PAIP2B: variants seen among roughly 807,000 people sequenced by gnomAD.
PAIP2B encodes poly(A) binding protein interacting protein 2B, also known as polyadenylate-binding protein-interacting protein 2B.
PAIP2B carries 13 observed loss-of-function variants against 17.0 expected under a neutral mutation model. That is an observed-to-expected ratio of 0.76 (90% confidence interval 0.50 to 1.22). PAIP2B has a LOEUF of 1.22. Among genes scored for constraint, PAIP2B ranks in the 50% most tolerant of loss-of-function variants. PAIP2B has a pLI of 0.00. For synonymous variants in PAIP2B, 43 were observed against 48.7 expected (o/e 0.88, Z 0.48); for missense variants, 117 against 144.5 (o/e 0.81, Z 0.98).
Position 71,214,370 on chromosome 2 carries a change from G to T in PAIP2B, c.-11-11770C>A, listed in dbSNP as rs543723292. 2.6e-5 allele frequency among the ~76,000 whole-genome samples: 4 copies of T among 152,250 alleles called. No homozygotes were observed. The East Asian group carries it at 7.7e-4, about 29-fold the overall frequency. ...TGAAGAAAAATGCTATTCAACAAAA[G>T]TACTGAGGTCTTTGGAAGGAAAACA... On this transcript the variant is annotated intron_variant, in intron 1 of 3. Transcript: ENST00000244221.
At chr2:71,196,465 T>C (rs1440999004) in intron 2 of PAIP2B, among the ~76,000 whole-genome samples, 1 of 152,198 alleles carries the variant, frequency 6.6e-6, no homozygotes. Flanking sequence ...CATGTGGCAA[T>C]GAGATTAATG....
intron 1 of PAIP2B, among the ~76,000 whole-genome samples, chr2:71,209,442 T>C (rs958221323): frequency 3.9e-5 from 6 of 152,200 alleles, no homozygotes; most frequent in African/African-American, 1.2e-4. Flanking sequence ...GAATAGCTAA[T>C]ACATTCCCAC....
intron 2 of PAIP2B, among the ~76,000 whole-genome samples, chr2:71,197,886 C>T (rs1053982649): frequency 1.3e-4 from 20 of 152,188 alleles, no homozygotes; most frequent in Non-Finnish European, 2.9e-4. Flanking sequence ...CAGTCATCTC[C>T]CACCAGGTCC....
At chr2:71,193,842 A>G (rs968622859) in intron 2 of PAIP2B, among the ~76,000 whole-genome samples, 1 of 152,180 alleles carries the variant, frequency 6.6e-6, no homozygotes, top group African/African-American at 2.4e-5. Flanking sequence ...GTCCCAAAAA[A>G]AAAAAAAGTT....
intron 2 of PAIP2B, among the ~76,000 whole-genome samples, chr2:71,192,162 T>C (rs1318476172): frequency 6.6e-6 from 1 of 152,174 alleles, no homozygotes; most frequent in African/African-American, 2.4e-5. Context: ...AGAAACTAGA[T>C]TTTTAGGAAC....
intron 2 of PAIP2B, among the ~76,000 whole-genome samples, chr2:71,196,090 C>A (rs1674810165): frequency 6.6e-6 from 1 of 152,082 alleles, no homozygotes; most frequent in Admixed American, 6.6e-5. Context: ...TTGTCTAATT[C>A]TTTCAGTTGT....
rs932344117 is a variant in PAIP2B at position 71,185,530 on chromosome 2, T to G, written c.*2949A>C. On this transcript the variant is annotated 3_prime_UTR_variant, in exon 4 of 4. Transcript: ENST00000244221. ...CTGCAGTGAGCTATGGTCATACCAC[T>G]GCACTCCAGCCTGGGTGACAGAGTG... 1 of 147,120 alleles carries G rather than the reference T, an allele frequency of 6.8e-6. No individual in the cohort carries two copies. 9.1% of individuals were successfully genotyped at this position (147,120 alleles called of 1,614,324 possible). A position where few individuals can be genotyped will look rare whatever the true frequency, so the allele number is the denominator to read the frequency against.
At chr2:71,218,994 C>T (rs1446680526) in intron 1 of PAIP2B, among the ~76,000 whole-genome samples, 1 of 150,056 alleles carries the variant, frequency 6.7e-6, no homozygotes, top group Admixed American at 6.6e-5. Context: ...TGGCTCACTG[C>T]AAGCTCCGCC....
At chr2:71,199,867 G>C (rs1429230962) in intron 2 of PAIP2B, among the ~76,000 whole-genome samples, 2 of 152,176 alleles carry the variant, frequency 1.3e-5, no homozygotes, top group Non-Finnish European at 2.9e-5. Flanking sequence ...TTCTTAAAAA[G>C]TTTTGTATGT....
chr2:71,216,569 A>G (rs776130380), intron 1 of PAIP2B, among the ~76,000 whole-genome samples: 1 of 152,212 alleles, frequency 6.6e-6, no homozygotes, highest in Non-Finnish European at 1.5e-5. Context: ...AATTTTTAGT[A>G]TACAAGAATG....
intron 1 of PAIP2B, among the ~76,000 whole-genome samples, chr2:71,224,253 C>G (rs1179091043): frequency 6.6e-6 from 1 of 152,118 alleles, no homozygotes; most frequent in East Asian, 1.9e-4. Context: ...TCTGTACTTC[C>G]TTTATTTTTT....
chr2:71,209,096 C>A (rs1301584240), intron 1 of PAIP2B, among the ~76,000 whole-genome samples: 1 of 152,170 alleles, frequency 6.6e-6, no homozygotes, highest in African/African-American at 2.4e-5. Flanking sequence ...GAAGTGTCCA[C>A]AGAATTCAGG....
chr2:71,191,836 T>C (rs1166812382), intron 2 of PAIP2B, among the ~76,000 whole-genome samples: 1 of 152,220 alleles, frequency 6.6e-6, no homozygotes, highest in African/African-American at 2.4e-5. Flanking sequence ...ACCAGATCAC[T>C]TGTCTATCCA....
chr2:71,192,317 G>A (rs976966191), intron 2 of PAIP2B, among the ~76,000 whole-genome samples: 5 of 148,920 alleles, frequency 3.4e-5, no homozygotes, highest in Non-Finnish European at 7.4e-5. Flanking sequence ...CATCAAGCAA[G>A]CCTATTGGCG....
chr2:71,189,931 G>T lies in PAIP2B; in HGVS notation c.229C>A (p.Arg77=). Residue 77 remains arginine, a synonymous_variant, in exon 3 of 4, where the codon CGA becomes AGA. Transcript: ENST00000244221. The part of the protein sequence containing the change: ...EEDQDWFIPS[R]DLPQAMGQLQ... Reference sequence around the variant, plus strand: ...TGTCCCATGGCCTGAGGCAGGTCTCGTGAGGGAATAAACCAGTCTTGGTCT... The same window carrying T: ...TGTCCCATGGCCTGAGGCAGGTCTCTTGAGGGAATAAACCAGTCTTGGTCT... 1 of 1,604,678 alleles carries T rather than the reference G, an allele frequency of 6.2e-7. No homozygotes were observed. Among genetic ancestry groups the T allele is most frequent in the Non-Finnish European group, 8.5e-7 (1 of 1,175,692 alleles).
intron 2 of PAIP2B, among the ~76,000 whole-genome samples, chr2:71,198,611 TG>T (rs1381427483): frequency 6.6e-6 from 1 of 151,798 alleles, no homozygotes; most frequent in Non-Finnish European, 1.5e-5. Flanking sequence ...TTAGTAGAGA[TG>T]GGGTTTCATC....
chr2:71,196,767 T>A (rs540525218), intron 2 of PAIP2B, among the ~76,000 whole-genome samples: 1 of 152,168 alleles, frequency 6.6e-6, no homozygotes, highest in Non-Finnish European at 1.5e-5. Flanking sequence ...CATTATGTAA[T>A]GTCCTTCCCT....
At chr2:71,198,884 C>T (rs1271619118) in intron 2 of PAIP2B, among the ~76,000 whole-genome samples, 1 of 152,196 alleles carries the variant, frequency 6.6e-6, no homozygotes, top group Non-Finnish European at 1.5e-5. Context: ...CTTTCAGCTC[C>T]TGTATCACTT....
intron 1 of PAIP2B, among the ~76,000 whole-genome samples, chr2:71,211,707 T>C (rs1287820368): frequency 6.6e-6 from 1 of 152,188 alleles, no homozygotes; most frequent in Non-Finnish European, 1.5e-5. Context: ...TTACCTTTAT[T>C]ACATATATTA....
Sources: allele counts gnomAD v4.1 joint callset (sites outside exome capture counted in the v4.1 genomes callset), GRCh38; gene constraint gnomAD v4.1.1; transcripts MANE v1.5; gene names NCBI Gene and HGNC (gene_info 2026-07-23, HGNC 2026-07-21).